ARHGAP29: variants seen among roughly 807,000 people sequenced by gnomAD.
ARHGAP29 encodes the protein Rho GTPase activating protein 29.
ARHGAP29 carries 43 observed loss-of-function variants against 122.6 expected under a neutral mutation model. The ratio of observed to expected loss-of-function variants is 0.35; its 90% CI spans 0.27 to 0.45. The LOEUF (loss-of-function observed/expected upper bound fraction) is 0.45, where lower values mean the gene tolerates loss of function less well. Ranked by LOEUF, ARHGAP29 falls within the 20% of genes least tolerant of loss-of-function variation. The pLI is 1.00. For missense variants in ARHGAP29, 1,303 were observed against 1,477.2 expected, an observed-to-expected ratio of 0.88 and a Z score of 1.93; for synonymous variants, 506 against 497.1, an observed-to-expected ratio of 1.02 and a Z score of -0.24.
At position 94,179,888 on chromosome 1, in the gene ARHGAP29, C is replaced by T. The variant is rs1649346091; in HGVS notation, c.2317G>A (p.Val773Ile). The change falls in exon 20 of 23, where the codon GTA becomes ATA. Residue 773 changes from valine (V) to isoleucine (I), a missense_variant. By Grantham distance (29) the Val-to-Ile change is conservative. Around this residue, in one of 3 missense-constraint regions of ARHGAP29, gnomAD observed 620 missense variants for 651.2 expected, o/e 0.95. Transcript: ENST00000260526. ...TTTTTTGTCTCTTGTTCTTCATTTA[C>T]ATGTTGGATCTCTTTTGCAAGGTCT... ...FIDLAKEIQH[V>I]NEEQETKKNS... The T allele has an allele frequency of 6.2e-7, 1 of 1,613,034 alleles. No homozygotes were observed. Among genetic ancestry groups the T allele is most frequent in the Non-Finnish European group, 8.5e-7 (1 of 1,179,598 alleles).
At chr1:94,190,239 A>G (rs1315274014) in intron 12 of ARHGAP29, 156 bp from the exon 13 acceptor site, 10 of 695,940 alleles carry the variant, frequency 1.4e-5, no homozygotes, top group African/African-American at 3.7e-5. Flanking sequence ...CTGATTTTGC[A>G]TAAGTCTAGA....
upstream of ARHGAP29, among the ~76,000 whole-genome samples, chr1:94,276,447 T>A (rs1468695832): frequency 2.0e-5 from 3 of 151,836 alleles, no homozygotes; most frequent in Non-Finnish European, 4.4e-5. Context: ...GATTTTTTTT[T>A]TTTTAAAGAT....
intron 17 of ARHGAP29, 119 bp from the exon 18 acceptor site, chr1:94,185,179 A>T (rs1178666214): frequency 2.1e-5 from 26 of 1,211,304 alleles, no homozygotes; most frequent in Non-Finnish European, 2.9e-5. Flanking sequence ...GCGCTATTTG[A>T]AACAGATTTA....
chr1:94,179,549 T>C (rs148994796), intron 20 of ARHGAP29, among the ~76,000 whole-genome samples, 176 bp downstream of exon 20: 1,392 of 130,850 alleles, frequency 0.011, 19 homozygotes, highest in African/African-American at 0.039. Context: ...GCCGAGATTG[T>C]GCTGCTGCAC....
At chr1:94,245,808 G>A (rs1480418739) in intron 1 of ARHGAP29, among the ~76,000 whole-genome samples, 2 of 152,144 alleles carry the variant, frequency 1.3e-5, no homozygotes, top group Non-Finnish European at 2.9e-5. Flanking sequence ...TAAGTGACAC[G>A]AGAATGAAAA....
intron 1 of ARHGAP29, among the ~76,000 whole-genome samples, chr1:94,272,994 A>G (rs1655047976): frequency 6.6e-6 from 1 of 152,184 alleles, no homozygotes; most frequent in Admixed American, 6.5e-5. Flanking sequence ...ACAAATCCAG[A>G]CTGTAGAGTA....
intron 1 of ARHGAP29, among the ~76,000 whole-genome samples, chr1:94,273,510 C>G (rs1041013767): frequency 2.6e-5 from 4 of 152,192 alleles, no homozygotes; most frequent in African/African-American, 9.7e-5. Flanking sequence ...CCACACTACT[C>G]CACCCTCTGC....
At chr1:94,247,686 G>A (rs1653869817) in intron 1 of ARHGAP29, among the ~76,000 whole-genome samples, 1 of 151,196 alleles carries the variant, frequency 6.6e-6, no homozygotes, top group African/African-American at 2.4e-5. Flanking sequence ...CCGGCCAAGT[G>A]GCAGCCGCAG....
intron 11 of ARHGAP29, chr1:94,202,251 T>G: frequency 1.8e-6 from 1 of 547,558 alleles, no homozygotes; most frequent in Non-Finnish European, 3.2e-6. Context: ...AGGTGAACTT[T>G]CTTGTCAAGT....
In ARHGAP29 at chr1:94,168,919, C is replaced by T. The variant is rs1280633716; in HGVS notation, c.*4950G>A. 6.6e-6 allele frequency among the ~76,000 whole-genome samples: 1 copy of T among 152,110 alleles called. No homozygotes were observed. The highest frequency in any genetic ancestry group is 2.4e-5 in the African/African-American group (1 of 41,426). ...TAACTCAGAAGCATAGCCAATTAGT[C>T]GTTTAATCTATTTTCTGAACTGCAT... On this transcript the variant is annotated 3_prime_UTR_variant, in exon 23 of 23. Coordinates refer to ENST00000260526, the MANE Select transcript of ARHGAP29 (RefSeq NM_004815.4).
chr1:94,184,092 C>T, intron 19 of ARHGAP29, 59 bp downstream of exon 19: 1 of 1,549,582 alleles, frequency 6.5e-7, no homozygotes, highest in South Asian at 1.2e-5. Context: ...CAGCAAAATA[C>T]AAATCATATT....
intron 1 of ARHGAP29, among the ~76,000 whole-genome samples, chr1:94,235,217 A>G (rs1653180599): frequency 6.6e-6 from 1 of 152,216 alleles, no homozygotes; most frequent in Non-Finnish European, 1.5e-5. Context: ...AATTGAAAAA[A>G]CGTTTAAAAT....
At position 94,171,077 on chromosome 1, in the gene ARHGAP29, A is replaced by G. The variant is rs568556160; in HGVS notation, c.*2792T>C. ...AAAAACCCACAGAATTCCACTGACT[A>G]TAAGTTATTTAACAATATACAATGG... is the stretch of plus-strand genomic sequence containing the variant. On this transcript the variant is annotated 3_prime_UTR_variant, in exon 23 of 23. Transcript: ENST00000260526. 2.6e-4 allele frequency among the ~76,000 whole-genome samples: 39 copies of G among 152,294 alleles called. No homozygotes were observed. Among genetic ancestry groups the G allele is most frequent in the Admixed American group, 6.5e-4 (10 of 15,302 alleles).
chr1:94,208,719 C>G, intron 5 of ARHGAP29, 113 bp downstream of exon 5: 1 of 1,021,288 alleles, frequency 9.8e-7, no homozygotes, highest in Non-Finnish European at 1.5e-6. Flanking sequence ...CTCGGCCTCC[C>G]AAAGTGCTGG....
upstream of ARHGAP29, among the ~76,000 whole-genome samples, chr1:94,240,324 T>C (rs1653529948): frequency 1.3e-5 from 2 of 152,236 alleles, no homozygotes; most frequent in South Asian, 4.1e-4. Context: ...AAATACATTA[T>C]CTGCCATCCT....
upstream of ARHGAP29, among the ~76,000 whole-genome samples, chr1:94,279,767 C>T (rs768013106): frequency 6.6e-6 from 1 of 152,204 alleles, no homozygotes; most frequent in Non-Finnish European, 1.5e-5. Context: ...CCCTGAGTAA[C>T]CCCTTTAGGG....
At chr1:94,255,070 A>G (rs1026009631) in intron 1 of ARHGAP29, among the ~76,000 whole-genome samples, 2 of 152,150 alleles carry the variant, frequency 1.3e-5, no homozygotes, top group Non-Finnish European at 2.9e-5. Context: ...TGCCACCCCC[A>G]CGCCACCAAA....
In ARHGAP29 at chr1:94,172,177, C is replaced by T. The variant is rs543500232; in HGVS notation, c.*1692G>A. On this transcript the variant is annotated 3_prime_UTR_variant, in exon 23 of 23. Transcript: ENST00000260526. ...TGGAACACTGAAGCAAGTCATTTAA[C>T]TAAGCCTTAGTTTCCTTATCTGTAA... 1 of 152,150 alleles carries T rather than the reference C, an allele frequency of 6.6e-6. No homozygotes were observed. Among genetic ancestry groups the T allele is most frequent in the Non-Finnish European group, 1.5e-5 (1 of 68,036 alleles). 9.4% of individuals were successfully genotyped at this position (152,150 alleles called of 1,614,324 possible).
chr1:94,206,787 T>C (rs1294186344), intron 5 of ARHGAP29, among the ~76,000 whole-genome samples: 1 of 151,800 alleles, frequency 6.6e-6, no homozygotes, highest in Non-Finnish European at 1.5e-5. Flanking sequence ...TCCCAGCTAC[T>C]TGGGAGGCTG....
Sources: allele counts gnomAD v4.1 joint callset (sites outside exome capture counted in the v4.1 genomes callset), GRCh38; gene constraint gnomAD v4.1.1; regional missense constraint gnomAD v4.1.1; transcripts MANE v1.5; gene names NCBI Gene and HGNC (gene_info 2026-07-23, HGNC 2026-07-21).